CLYBL: variants seen among roughly 807,000 people sequenced by gnomAD.
CLYBL encodes the protein citramalyl-CoA lyase, also known as citramalyl-CoA lyase, mitochondrial.
CLYBL carries 31 observed loss-of-function variants against 38.9 expected under a neutral mutation model. The observed-to-expected ratio is 0.80, with a 90% CI of 0.60 to 1.08. The LOEUF is 1.08. Among genes scored for constraint, CLYBL ranks in the 50% least tolerant of loss-of-function variants. The pLI is 0.00. For synonymous variants in CLYBL, 171 were observed against 158.6 expected (o/e 1.08, Z -0.59); for missense variants, 434 against 411.6 (o/e 1.05, Z -0.47).
At chr13:99,786,983 G>T (rs4505173) in intron 2 of CLYBL, among the ~76,000 whole-genome samples, 8 of 151,878 alleles carry the variant, frequency 5.3e-5, no homozygotes, top group African/African-American at 1.7e-4. Flanking sequence ...TTTCATGTGT[G>T]TGTTGGCTGC....
At chr13:99,637,961 C>CTT (rs1566595642) in intron 1 of CLYBL, among the ~76,000 whole-genome samples, 546 of 53,660 alleles carry the variant, frequency 0.01, 6 homozygotes, top group African/African-American at 0.043. Context: ...GTCAACAGTG[C>CTT]CTTTTTTTTT....
chr13:99,844,958 T>A (rs910265193), intron 2 of CLYBL, among the ~76,000 whole-genome samples: 1 of 152,240 alleles, frequency 6.6e-6, no homozygotes, highest in Non-Finnish European at 1.5e-5. Flanking sequence ...TTATGTTTTT[T>A]AAAAATCCTT....
intron 1 of CLYBL, chr13:99,691,094 C>T (rs1277474488): frequency 6.6e-6 from 1 of 152,218 alleles, no homozygotes; most frequent in Non-Finnish European, 1.5e-5. Flanking sequence ...CCCTCTCTCA[C>T]TGCCCACTCA....
rs2048132171 is a variant in CLYBL, at chr13:99,705,420, A to C, written c.63-67404A>C. The stretch of plus-strand genomic sequence containing the variant: ...ACATGGTGAAACCCTGTCTCTACTA[A>C]AAGTATGAAATTAGCCAGGTGTGGT... On this transcript the variant is annotated intron_variant, in intron 1 of 8. Transcript: ENST00000339105. Among the ~76,000 whole-genome samples, 5 of 152,286 alleles carry C rather than the reference A, an allele frequency of 3.3e-5. No homozygotes were observed. In the South Asian group the frequency reaches 1.0e-3, roughly 32 times the overall value.
intron 1 of CLYBL, among the ~76,000 whole-genome samples, chr13:99,722,198 G>C (rs552965412): frequency 1.3e-5 from 2 of 152,230 alleles, no homozygotes; most frequent in South Asian, 4.1e-4. Flanking sequence ...AAGGGGTCTG[G>C]TTTGGTCCAG....
intron 1 of CLYBL, among the ~76,000 whole-genome samples, chr13:99,765,974 C>G (rs1189554986): frequency 1.3e-5 from 2 of 151,964 alleles, no homozygotes; most frequent in Admixed American, 1.3e-4. Flanking sequence ...ACCTCAGCCT[C>G]CTGCATGGCT....
chr13:99,801,672 C>A (rs1465981125), intron 2 of CLYBL, among the ~76,000 whole-genome samples: 2 of 152,110 alleles, frequency 1.3e-5, no homozygotes, highest in Admixed American at 6.5e-5. Flanking sequence ...TCACTTTCTG[C>A]GTATGCTAAG....
At chr13:99,717,585 G>A (rs2048337749) in intron 1 of CLYBL, among the ~76,000 whole-genome samples, 1 of 151,636 alleles carries the variant, frequency 6.6e-6, no homozygotes, top group Non-Finnish European at 1.5e-5. Flanking sequence ...TCAGCCTCCT[G>A]TGTAACTGGG....
At chr13:99,665,730 T>C (rs2047471257) in intron 1 of CLYBL, among the ~76,000 whole-genome samples, 1 of 152,224 alleles carries the variant, frequency 6.6e-6, no homozygotes, top group South Asian at 2.1e-4. Context: ...TTTTGCATTC[T>C]AGAAGTTTAG....
intron 8 of CLYBL, among the ~76,000 whole-genome samples, chr13:99,904,367 C>A (rs2052672941): frequency 6.6e-6 from 1 of 152,308 alleles, no homozygotes; most frequent in South Asian, 2.1e-4. Context: ...TTGGGAATTC[C>A]TGGCTATGCT....
At chr13:99,765,155 G>A (rs1278325311) in intron 1 of CLYBL, among the ~76,000 whole-genome samples, 1 of 151,326 alleles carries the variant, frequency 6.6e-6, no homozygotes, top group Admixed American at 6.6e-5. Context: ...TCATTTGCCT[G>A]GGAAAAACAT....
chr13:99,610,633 TG>T (rs2046611995), intron 1 of CLYBL, among the ~76,000 whole-genome samples: 1 of 152,212 alleles, frequency 6.6e-6, no homozygotes. Flanking sequence ...TGTCAGGACA[TG>T]TCTTCAACAT....
At chr13:99,860,296 G>C (rs1446029970) in intron 3 of CLYBL, among the ~76,000 whole-genome samples, 2 of 152,062 alleles carry the variant, frequency 1.3e-5, no homozygotes, top group African/African-American at 4.8e-5. Flanking sequence ...AAATTCACCT[G>C]TTTCAGTTTA....
At chr13:99,807,233 A>G (rs961468295) in intron 2 of CLYBL, among the ~76,000 whole-genome samples, 4 of 152,178 alleles carry the variant, frequency 2.6e-5, no homozygotes, top group African/African-American at 9.7e-5. Context: ...GTCCACATCT[A>G]TTCAGAACTT....
Position 99,824,724 on chromosome 13 carries a change from T to C in CLYBL, c.250-34137T>C, listed in dbSNP as rs867444905. Among the ~76,000 whole-genome samples, 59 of 152,260 alleles carry C rather than the reference T, an allele frequency of 3.9e-4. No individual in the cohort carries two copies. The Middle Eastern group carries it at 0.01, about 26-fold the overall frequency. ...AGAATTGGCTTGCCTCCTAGCTGTT[T>C]TGTCCCCACACTCCATCAAAAAATA... On this transcript the variant is annotated intron_variant, in intron 2 of 8. Transcript: ENST00000339105.
intron 2 of CLYBL, among the ~76,000 whole-genome samples, chr13:99,812,202 C>T (rs951192271): frequency 6.6e-6 from 1 of 152,086 alleles, no homozygotes; most frequent in Non-Finnish European, 1.5e-5. Context: ...TTTTAAAGTC[C>T]AAAAACTTCT....
chr13:99,747,137 A>T (rs1211844920), intron 1 of CLYBL, among the ~76,000 whole-genome samples: 1 of 152,164 alleles, frequency 6.6e-6, no homozygotes, highest in Non-Finnish European at 1.5e-5. Flanking sequence ...ACTAACAGGC[A>T]CATGCGCCAT....
chr13:99,846,426 A>G (rs1024639632), intron 2 of CLYBL, among the ~76,000 whole-genome samples: 3 of 151,126 alleles, frequency 2.0e-5, no homozygotes, highest in African/African-American at 7.3e-5. Flanking sequence ...AGCCCTGTCT[A>G]CTTTAAAAAT....
chr13:99,811,770 C>T (rs2050347373), intron 2 of CLYBL, among the ~76,000 whole-genome samples: 1 of 152,138 alleles, frequency 6.6e-6, no homozygotes, highest in African/African-American at 2.4e-5. Flanking sequence ...ACAGGGCACT[C>T]AGCTTCTGAA....
Sources: allele counts gnomAD v4.1 joint callset (sites outside exome capture counted in the v4.1 genomes callset), GRCh38; gene constraint gnomAD v4.1.1; transcripts MANE v1.5; gene names NCBI Gene and HGNC (gene_info 2026-07-23, HGNC 2026-07-21).